ERC2: variants seen among roughly 807,000 people sequenced by gnomAD.
ERC2 encodes the protein ELKS/RAB6-interacting/CAST family member 2.
In ERC2, 42 loss-of-function variants were observed where a neutral mutation model predicts 114.8. That is an observed-to-expected ratio of 0.37 (90% CI 0.29 to 0.47). ERC2 has a LOEUF of 0.47. ERC2 is among the 20% of genes least tolerant of loss of function. The probability of loss-of-function intolerance (pLI) is 0.99; values close to 1 mark genes in which losing one functional copy is unlikely to be tolerated. For synonymous variants in ERC2, 454 were observed against 425.5 expected (o/e 1.07, Z -0.82); for missense variants, 939 against 1,150.7 (o/e 0.82, Z 2.66).
chr3:56,424,796 A>G (rs2061504123), intron 2 of ERC2, among the ~76,000 whole-genome samples: 1 of 152,044 alleles, frequency 6.6e-6, no homozygotes, highest in South Asian at 2.1e-4. Context: ...GAGAAGATGG[A>G]CTCATTTTTT....
intron 8 of ERC2, 68 bp downstream of exon 8, chr3:56,018,826 T>G (rs978881465): frequency 1.3e-6 from 2 of 1,544,792 alleles, no homozygotes; most frequent in African/African-American, 2.7e-5. Context: ...TTTAAATGCA[T>G]TGGGATCAAC....
At chr3:56,163,526 T>C (rs994277405) in intron 4 of ERC2, among the ~76,000 whole-genome samples, 2 of 152,096 alleles carry the variant, frequency 1.3e-5, no homozygotes, top group South Asian at 2.1e-4. Context: ...GTCTTACAAA[T>C]TCATATTTTT....
intron 13 of ERC2, among the ~76,000 whole-genome samples, chr3:55,896,173 GGA>G (rs2063834689): frequency 6.6e-6 from 1 of 152,198 alleles, no homozygotes; most frequent in Non-Finnish European, 1.5e-5. Flanking sequence ...GCACTCTGCT[GGA>G]CACTAGCCAC....
chr3:55,871,692 A>T (rs1201762402), intron 14 of ERC2, among the ~76,000 whole-genome samples: 1 of 152,236 alleles, frequency 6.6e-6, no homozygotes, highest in East Asian at 1.9e-4. Context: ...GGACATCAAG[A>T]CTTAAGCAAA....
intron 12 of ERC2, among the ~76,000 whole-genome samples, chr3:55,966,747 T>C (rs1417708850): frequency 6.6e-6 from 1 of 152,116 alleles, no homozygotes; most frequent in Non-Finnish European, 1.5e-5. Context: ...GAGCTAACCA[T>C]GATAATCCTA....
intron 17 of ERC2, among the ~76,000 whole-genome samples, chr3:55,672,755 G>A (rs1426780084): frequency 6.6e-6 from 1 of 152,198 alleles, no homozygotes; most frequent in Non-Finnish European, 1.5e-5. Flanking sequence ...CAGGACAGCA[G>A]TGACCTACAG....
chr3:55,909,718 C>T (rs2064689417), intron 13 of ERC2, among the ~76,000 whole-genome samples: 1 of 152,146 alleles, frequency 6.6e-6, no homozygotes, highest in Non-Finnish European at 1.5e-5. Flanking sequence ...TTCCCTCAAT[C>T]ACTCTGGGCA....
intron 9 of ERC2, among the ~76,000 whole-genome samples, chr3:56,009,540 T>C (rs1364360818): frequency 1.3e-5 from 2 of 152,204 alleles, no homozygotes; most frequent in Admixed American, 6.6e-5. Context: ...AGCTAGGAGA[T>C]AGATAACTGT....
At position 55,691,754 on chromosome 3, in the gene ERC2, G is replaced by T. The variant is rs1160602579; in HGVS notation, c.2847+7624C>A. ...ATGTTCCATAACTATACTTTAGTAA[G>T]CCCTGATATACGGTGTTAATTTTTC... On this transcript the variant is annotated intron_variant, in intron 16 of 17. Coordinates refer to ENST00000288221, the MANE Select transcript of ERC2 (RefSeq NM_015576.3). 2.0e-5 allele frequency among the ~76,000 whole-genome samples: 3 copies of T among 151,496 alleles called. No homozygotes were observed. In the East Asian group the frequency reaches 5.8e-4, roughly 29 times the overall value.
At chr3:56,172,645 TA>T (rs1452025793) in intron 4 of ERC2, among the ~76,000 whole-genome samples, 1 of 152,240 alleles carries the variant, frequency 6.6e-6, no homozygotes, top group African/African-American at 2.4e-5. Flanking sequence ...ACTTGTTTCT[TA>T]ATGGAACACA....
chr3:56,007,037 AAAGTT>A (rs1260719687), intron 10 of ERC2, 139 bp downstream of exon 10: 3 of 671,002 alleles, frequency 4.5e-6, no homozygotes, highest in Admixed American at 3.5e-5. Flanking sequence ...TCTTAGCAAT[AAAGTT>A]AAGAGTATTT....
At chr3:55,788,361 TG>T (rs1575601130) in intron 14 of ERC2, among the ~76,000 whole-genome samples, 1 of 152,202 alleles carries the variant, frequency 6.6e-6, no homozygotes, top group Non-Finnish European at 1.5e-5. Context: ...GTCCTGGCCA[TG>T]TGCTAGGAAA....
chr3:55,605,632 T>C (rs1305792349), intron 17 of ERC2, among the ~76,000 whole-genome samples: 1 of 152,206 alleles, frequency 6.6e-6, no homozygotes, highest in Non-Finnish European at 1.5e-5. Flanking sequence ...TTAAGTGTCA[T>C]TCAAAGAAAT....
At chr3:55,947,734 C>T (rs941141390) in intron 13 of ERC2, among the ~76,000 whole-genome samples, 2 of 152,170 alleles carry the variant, frequency 1.3e-5, no homozygotes, top group Admixed American at 6.5e-5. Context: ...ACCTGCAAAT[C>T]TGTAAGAATA....
At chr3:56,030,171 A>G (rs578038517) in intron 7 of ERC2, among the ~76,000 whole-genome samples, 1 of 152,316 alleles carries the variant, frequency 6.6e-6, no homozygotes, top group African/African-American at 2.4e-5. Flanking sequence ...ATCATAGAAC[A>G]TACCTTATAT....
intron 13 of ERC2, among the ~76,000 whole-genome samples, chr3:55,891,655 C>T (rs2063610688): frequency 6.6e-6 from 1 of 151,894 alleles, no homozygotes; most frequent in South Asian, 2.1e-4. Flanking sequence ...CCATGTTGGC[C>T]AGGATGGTCT....
intron 14 of ERC2, among the ~76,000 whole-genome samples, chr3:55,753,120 T>C (rs1487121615): frequency 1.3e-5 from 2 of 152,082 alleles, no homozygotes; most frequent in Non-Finnish European, 2.9e-5. Context: ...ACAGCAATAC[T>C]TCAGAACTCG....
intron 1 of ERC2, among the ~76,000 whole-genome samples, chr3:56,447,429 A>G (rs1409659044): frequency 6.6e-6 from 1 of 152,212 alleles, no homozygotes; most frequent in East Asian, 1.9e-4. Context: ...GAGAGGAAAG[A>G]GAGGGAGACG....
chr3:55,670,492 G>A (rs1576044821), intron 17 of ERC2, among the ~76,000 whole-genome samples: 1 of 152,202 alleles, frequency 6.6e-6, no homozygotes, highest in Non-Finnish European at 1.5e-5. Context: ...AGATTGAAAA[G>A]GGTCACCATG....
Sources: gnomAD v4.1 joint callset for allele counts (sites outside exome capture counted in the v4.1 genomes callset) on GRCh38, gnomAD v4.1.1 for gene constraint, MANE v1.5 for transcripts, NCBI Gene and HGNC (gene_info 2026-07-23, HGNC 2026-07-21) for gene names.